The following PTPRG variants were observed in gnomAD, a reference collection of about 807,000 sequenced individuals.
PTPRG encodes the protein protein tyrosine phosphatase receptor type G, also known as receptor-type tyrosine-protein phosphatase gamma.
PTPRG carries 102 observed loss-of-function variants against 165.3 expected under a neutral mutation model. The observed-to-expected ratio is 0.62, with a 90% CI of 0.53 to 0.73. The LOEUF (loss-of-function observed/expected upper bound fraction) is 0.73. Ranked by LOEUF, PTPRG falls within the 30% of genes least tolerant of loss-of-function variation. The pLI is 0.00. For synonymous variants in PTPRG, 675 were observed against 669.5 expected (o/e 1.01, Z -0.13); for missense variants, 1,866 against 1,861.4 (o/e 1.00, Z -0.05).
chr3:62,041,106 G>T (rs189543192), intron 4 of PTPRG, among the ~76,000 whole-genome samples: 6 of 152,300 alleles, frequency 3.9e-5, no homozygotes, highest in African/African-American at 1.2e-4. Context: ...GCTTGTGGTG[G>T]TTGTGAGAAT....
chr3:62,076,332 T>C lies in PTPRG; in HGVS notation c.520-1831T>C, dbSNP rs149245939. Among the ~76,000 whole-genome samples the C allele has an allele frequency of 2.3e-3, 356 of 152,214 alleles. 1 individual carries two copies. The highest frequency in any genetic ancestry group is 7.6e-3 in the African/African-American group (317 of 41,532). On this transcript the variant is annotated intron_variant, in intron 4 of 29. Coordinates refer to ENST00000474889, the MANE Select transcript of PTPRG (RefSeq NM_002841.4). ...ATATGGTGATGATGATGGTGATTTG[T>C]TGAGCATCGATGAGGTCTAACCATG...
At chr3:61,836,062 C>CAAAAAAA (rs749017389) in intron 2 of PTPRG, among the ~76,000 whole-genome samples, 1 of 103,628 alleles carries the variant, frequency 9.6e-6, no homozygotes, top group African/African-American at 3.5e-5. Context: ...CCCCCCCCAC[C>CAAAAAAA]AAAAAAAAAA....
intron 2 of PTPRG, among the ~76,000 whole-genome samples, chr3:61,793,055 A>G (rs2034935335): frequency 6.6e-6 from 1 of 152,162 alleles, no homozygotes; most frequent in Non-Finnish European, 1.5e-5. Flanking sequence ...GAAATATAAG[A>G]TAGGAAATAT....
In PTPRG at chr3:62,254,016, A is replaced by G. The variant is rs1426927181; in HGVS notation, c.2468-1108A>G. ...GTCAATAGATGCAAAAAGCCACCCT[A>G]GAGCTTTGCTCTCTCGAAAGAAAGA... is the stretch of plus-strand genomic sequence containing the variant. On this transcript the variant is annotated intron_variant, in intron 15 of 29. Coordinates refer to ENST00000474889, the MANE Select transcript of PTPRG (RefSeq NM_002841.4). The surrounding 1 kb of genome is among the most constrained non-coding windows in gnomAD (Gnocchi z 4.6). Among the ~76,000 whole-genome samples, 2 of 152,228 alleles carry G rather than the reference A, an allele frequency of 1.3e-5. No individual in the cohort carries two copies. The highest frequency in any genetic ancestry group is 2.9e-5 in the Non-Finnish European group (2 of 68,040).
At chr3:61,608,182 C>T (rs1266250605) in intron 1 of PTPRG, among the ~76,000 whole-genome samples, 1 of 26,386 alleles carries the variant, frequency 3.8e-5, no homozygotes, top group African/African-American at 5.4e-5. Flanking sequence ...TTCTATCTTC[C>T]TTCTTCGTAC....
At chr3:61,646,451 A>G (rs952509394) in intron 1 of PTPRG, among the ~76,000 whole-genome samples, 3 of 152,128 alleles carry the variant, frequency 2.0e-5, no homozygotes, top group Non-Finnish European at 4.4e-5. Flanking sequence ...TCTTTGTCCA[A>G]AACTCTTCTG....
intron 13 of PTPRG, among the ~76,000 whole-genome samples, chr3:62,221,737 C>T (rs1559672357): frequency 6.6e-6 from 1 of 152,208 alleles, no homozygotes; most frequent in Admixed American, 6.5e-5. Flanking sequence ...CAAACCTGCT[C>T]ACTGTGGCAG....
chr3:61,944,444 C>T (rs2039707085), intron 2 of PTPRG, among the ~76,000 whole-genome samples: 1 of 152,170 alleles, frequency 6.6e-6, no homozygotes, highest in African/African-American at 2.4e-5. Context: ...TTTCCCCTAG[C>T]CCCTTCTCAG....
intron 28 of PTPRG, among the ~76,000 whole-genome samples, chr3:62,285,134 T>G (rs1702592407): frequency 6.6e-6 from 1 of 152,096 alleles, no homozygotes; most frequent in Admixed American, 6.6e-5. Context: ...CCAGCAATGG[T>G]AATTTATTCA....
intron 5 of PTPRG, among the ~76,000 whole-genome samples, chr3:62,094,958 G>C (rs1702061413): frequency 6.6e-6 from 1 of 152,224 alleles, no homozygotes. Context: ...ACTGTGCCAT[G>C]CAGAATGGTA....
At position 61,890,845 on chromosome 3, in the gene PTPRG, C is replaced by G. The variant is rs143715360; in HGVS notation, c.191-98780C>G. Among the ~76,000 whole-genome samples the G allele has an allele frequency of 4.9e-4, 74 of 152,212 alleles. 1 individual carries two copies. In the East Asian group the frequency reaches 6.8e-3, roughly 14 times the overall value. On this transcript the variant is annotated intron_variant, in intron 2 of 29. Transcript: ENST00000474889. Reference sequence around the variant, plus strand: ...TTGCTTATGTAAGTGTGAGAGAATGCGAAGCATTCTACAAATAATGTTTTG... The same window carrying G: ...TTGCTTATGTAAGTGTGAGAGAATGGGAAGCATTCTACAAATAATGTTTTG...
At chr3:61,777,421 A>G (rs951825308) in intron 2 of PTPRG, among the ~76,000 whole-genome samples, 1 of 152,172 alleles carries the variant, frequency 6.6e-6, no homozygotes, top group Admixed American at 6.5e-5. Context: ...TTCCTCTTTC[A>G]TTTCAGCAAT....
At chr3:61,854,624 T>A (rs1044878962) in intron 2 of PTPRG, among the ~76,000 whole-genome samples, 1 of 152,220 alleles carries the variant, frequency 6.6e-6, no homozygotes, top group African/African-American at 2.4e-5. Flanking sequence ...ATTGTCAGTC[T>A]GCTGGCTTAT....
At chr3:61,851,067 G>A (rs888222611) in intron 2 of PTPRG, among the ~76,000 whole-genome samples, 1 of 152,104 alleles carries the variant, frequency 6.6e-6, no homozygotes, top group African/African-American at 2.4e-5. Context: ...GAATGCCCTT[G>A]GCAGATGAAG....
At chr3:61,872,956 C>T (rs531929859) in intron 2 of PTPRG, among the ~76,000 whole-genome samples, 31 of 152,232 alleles carry the variant, frequency 2.0e-4, no homozygotes, top group Non-Finnish European at 3.4e-4. Flanking sequence ...AGAAAAAAAT[C>T]TAAAGAGTTG....
chr3:61,564,444 C>A (rs992992668), intron 1 of PTPRG, among the ~76,000 whole-genome samples: 2 of 152,204 alleles, frequency 1.3e-5, no homozygotes, highest in South Asian at 2.1e-4. Flanking sequence ...TGCCAGGGAA[C>A]CAGCCTTCGT....
chr3:62,091,396 A>T (rs1165094027), intron 5 of PTPRG, among the ~76,000 whole-genome samples: 1 of 152,220 alleles, frequency 6.6e-6, no homozygotes, highest in African/African-American at 2.4e-5. Context: ...TAGTCTTAAC[A>T]CCTTGGATGA....
intron 5 of PTPRG, among the ~76,000 whole-genome samples, chr3:62,090,801 C>T (rs1402956480): frequency 6.6e-6 from 1 of 152,156 alleles, no homozygotes; most frequent in Non-Finnish European, 1.5e-5. Flanking sequence ...GAACCTTCCC[C>T]AGATGCTAAG....
chr3:61,892,909 A>C, intron 2 of PTPRG, among the ~76,000 whole-genome samples: 1 of 152,164 alleles, frequency 6.6e-6, no homozygotes, highest in East Asian at 1.9e-4. Flanking sequence ...CACTTTGTTC[A>C]GTTTTTAATA....
Sources: gnomAD v4.1 joint callset for allele counts (sites outside exome capture counted in the v4.1 genomes callset) on GRCh38, gnomAD v4.1.1 for gene constraint, Gnocchi (gnomAD v3.1) non-coding constraint, MANE v1.5 for transcripts, NCBI Gene and HGNC (gene_info 2026-07-23, HGNC 2026-07-21) for gene names.